EPHA6: variants seen among roughly 807,000 people sequenced by gnomAD.
EPHA6 encodes the protein ephrin type-A receptor 6.
EPHA6 carries 50 observed loss-of-function variants against 112.0 expected under a neutral mutation model. That is an observed-to-expected ratio of 0.45 (90% confidence interval 0.36 to 0.56). The LOEUF is 0.56. EPHA6 is among the 20% of genes least tolerant of loss of function. The probability of loss-of-function intolerance (pLI) is 0.00; values close to 1 mark genes in which losing one functional copy is unlikely to be tolerated. For missense variants in EPHA6, 1,280 were observed against 1,417.4 expected (o/e 0.90, Z 1.56); for synonymous variants, 529 against 490.7 (o/e 1.08, Z -1.03).
chr3:97,131,390 T>TA (rs2075613771), intron 3 of EPHA6, among the ~76,000 whole-genome samples: 1 of 152,118 alleles, frequency 6.6e-6, no homozygotes, highest in Non-Finnish European at 1.5e-5. Flanking sequence ...AAGGTGTACT[T>TA]ACAATATTCC....
chr3:97,452,587 T>C (rs1010165636), intron 7 of EPHA6, among the ~76,000 whole-genome samples: 1 of 151,742 alleles, frequency 6.6e-6, no homozygotes, highest in Non-Finnish European at 1.5e-5. Context: ...TTCTTTAGAA[T>C]AGATTTATCA....
intron 11 of EPHA6, among the ~76,000 whole-genome samples, chr3:97,545,326 A>G (rs1447206382): frequency 6.6e-6 from 1 of 151,994 alleles, no homozygotes; most frequent in African/African-American, 2.4e-5. Flanking sequence ...TTATTTACCC[A>G]GTAGGTCATT....
At chr3:97,433,376 T>G (rs1036781046) in intron 6 of EPHA6, among the ~76,000 whole-genome samples, 1 of 152,086 alleles carries the variant, frequency 6.6e-6, no homozygotes, top group Non-Finnish European at 1.5e-5. Context: ...AAACCTTAAT[T>G]TTTTTTGGAC....
intron 10 of EPHA6, among the ~76,000 whole-genome samples, chr3:97,497,149 C>T (rs2092001331): frequency 6.6e-6 from 1 of 152,132 alleles, no homozygotes; most frequent in Admixed American, 6.6e-5. Flanking sequence ...AGATTGTGTC[C>T]CTCTCTGCTC....
rs542415295 is a variant in EPHA6, at chr3:96,993,215, C to T, written c.1114+5222C>T. Among the ~76,000 whole-genome samples, 16 of 151,906 alleles carry T rather than the reference C, an allele frequency of 1.1e-4. No homozygotes were observed. The East Asian group carries it at 2.1e-3, about 20-fold the overall frequency. ...ATTTAATTTCCTGGGGCCACACAGT[C>T]GTAACTAATGTTAGATTGAGAACAA... is the stretch of plus-strand genomic sequence containing the variant. On this transcript the variant is annotated intron_variant, in intron 3 of 17. Coordinates refer to ENST00000389672, the MANE Select transcript of EPHA6 (RefSeq NM_001080448.3).
chr3:97,576,335 G>T (rs1312493154), intron 11 of EPHA6, among the ~76,000 whole-genome samples: 1 of 151,892 alleles, frequency 6.6e-6, no homozygotes, highest in Non-Finnish European at 1.5e-5. Context: ...ACTTGTCATG[G>T]GTATATTACC....
chr3:97,368,365 TAAA>T (rs892523004), intron 5 of EPHA6, among the ~76,000 whole-genome samples: 3 of 152,156 alleles, frequency 2.0e-5, no homozygotes, highest in Non-Finnish European at 2.9e-5. Context: ...ATAAATATGA[TAAA>T]GAAGTCAACA....
At chr3:97,610,971 C>A in intron 13 of EPHA6, 117 bp downstream of exon 13, 1 of 836,258 alleles carries the variant, frequency 1.2e-6, no homozygotes, top group Non-Finnish European at 1.9e-6. Context: ...TGAAGAATAG[C>A]AGTGTTTTCT....
intron 6 of EPHA6, among the ~76,000 whole-genome samples, chr3:97,428,290 T>C (rs1163236073): frequency 1.3e-5 from 2 of 152,036 alleles, no homozygotes; most frequent in African/African-American, 2.4e-5. Context: ...ATAAACAAAA[T>C]TCATGATAGT....
intron 2 of EPHA6, among the ~76,000 whole-genome samples, chr3:96,941,737 T>G (rs1665431390): frequency 2.0e-5 from 3 of 152,172 alleles, no homozygotes. Flanking sequence ...TTTTATCTTG[T>G]TTTGGTCTTT....
At chr3:97,481,228 T>A (rs563255999) in intron 9 of EPHA6, 1 of 1,345,118 alleles carries the variant, frequency 7.4e-7, no homozygotes, top group African/African-American at 1.4e-5. Context: ...TCTCCATTAC[T>A]ATTTGGACTT....
intron 11 of EPHA6, among the ~76,000 whole-genome samples, chr3:97,548,424 T>C (rs2092986920): frequency 6.6e-6 from 1 of 152,176 alleles, no homozygotes; most frequent in South Asian, 2.1e-4. Flanking sequence ...TTGTAAAAAA[T>C]ATATATTTTG....
chr3:97,447,245 A>G (rs1210291494), intron 6 of EPHA6, among the ~76,000 whole-genome samples: 1 of 152,174 alleles, frequency 6.6e-6, no homozygotes, highest in Non-Finnish European at 1.5e-5. Flanking sequence ...CAGCAAATAC[A>G]TGAAGTTTGA....
intron 7 of EPHA6, among the ~76,000 whole-genome samples, chr3:97,460,679 C>T (rs2090858397): frequency 1.3e-5 from 2 of 152,188 alleles, no homozygotes; most frequent in Admixed American, 1.3e-4. Context: ...TGGGGACAGT[C>T]AGAATCCAAG....
intron 7 of EPHA6, among the ~76,000 whole-genome samples, chr3:97,450,111 T>C (rs959725671): frequency 2.0e-5 from 3 of 152,132 alleles, no homozygotes; most frequent in African/African-American, 4.8e-5. Context: ...GTGGAGACTA[T>C]TGACTTTTTA....
At chr3:96,881,630 C>G (rs1447737205) in intron 2 of EPHA6, among the ~76,000 whole-genome samples, 1 of 152,166 alleles carries the variant, frequency 6.6e-6, no homozygotes. Flanking sequence ...CTTCACACTT[C>G]AAAACCAATC....
At chr3:97,119,980 C>T (rs2047997471) in intron 3 of EPHA6, among the ~76,000 whole-genome samples, 1 of 151,918 alleles carries the variant, frequency 6.6e-6, no homozygotes, top group Admixed American at 6.6e-5. Context: ...AGCCTTGTCT[C>T]ATAATTTCCC....
At chr3:97,369,593 G>A (rs557710371) in intron 5 of EPHA6, among the ~76,000 whole-genome samples, 1 of 152,152 alleles carries the variant, frequency 6.6e-6, no homozygotes, top group East Asian at 2.0e-4. Context: ...TGAGCTTCTT[G>A]CCTTTAACCT....
chr3:96,892,889 T>A (rs2038045791), intron 2 of EPHA6, among the ~76,000 whole-genome samples: 1 of 151,990 alleles, frequency 6.6e-6, no homozygotes, highest in Non-Finnish European at 1.5e-5. Context: ...ATATTCCAGT[T>A]TATTAGTCAC....
Sources: allele counts gnomAD v4.1 joint callset (sites outside exome capture counted in the v4.1 genomes callset), GRCh38; gene constraint gnomAD v4.1.1; transcripts MANE v1.5; gene names NCBI Gene and HGNC (gene_info 2026-07-23, HGNC 2026-07-21).